The following RPTOR variants were observed in gnomAD, a reference collection of about 807,000 sequenced individuals.
RPTOR encodes regulatory-associated protein of mTOR.
A neutral mutation model predicts 169.9 loss-of-function variants in RPTOR; 21 were observed. That is an observed-to-expected ratio of 0.12 (90% CI 0.09 to 0.18). RPTOR has a LOEUF of 0.18. RPTOR is among the 10% of genes least tolerant of loss of function. RPTOR has a pLI of 1.00. For synonymous variants in RPTOR, 732 were observed against 753.2 expected (o/e 0.97, Z 0.46); for missense variants, 1,133 against 1,855.9 (o/e 0.61, Z 7.16).
At position 80,936,272 on chromosome 17, in the gene RPTOR, A is replaced by G. The variant is rs1261043156; in HGVS notation, c.2920-4224A>G. 6.6e-6 allele frequency among the ~76,000 whole-genome samples: 1 copy of G among 152,248 alleles called. No homozygotes were observed. The highest frequency in any genetic ancestry group is 1.5e-5 in the Non-Finnish European group (1 of 68,038). ...GGCTACTGCAACTACAAGATGCTAC[A>G]GACACCTTGGAAAAGGTTGTCAGTT... On this transcript the variant is annotated intron_variant, in intron 24 of 33. Coordinates refer to ENST00000306801, the MANE Select transcript of RPTOR (RefSeq NM_020761.3). This position sits in a 1 kb window ranked among gnomAD's most constrained non-coding sequence, Gnocchi z 4.1.
chr17:80,564,652 C>T (rs1242926224), intron 1 of RPTOR, among the ~76,000 whole-genome samples: 1 of 148,468 alleles, frequency 6.7e-6, no homozygotes, highest in Non-Finnish European at 1.5e-5. Flanking sequence ...TATAGGTGAA[C>T]TCATGTCACA....
At chr17:80,756,353 G>A (rs1254688750) in intron 6 of RPTOR, among the ~76,000 whole-genome samples, 1 of 152,244 alleles carries the variant, frequency 6.6e-6, no homozygotes, top group Admixed American at 6.5e-5. Context: ...TCTTTACTTA[G>A]ATGAAGAGAA....
At chr17:80,880,337 C>T (rs1431787231) in intron 13 of RPTOR, 78 bp from the exon 14 acceptor site, 4 of 1,206,744 alleles carry the variant, frequency 3.3e-6, no homozygotes, top group Non-Finnish European at 4.9e-6. Flanking sequence ...TGCCCTTATT[C>T]GTTCACGCAC....
At chr17:80,787,747 G>A (rs1194244938) in intron 6 of RPTOR, among the ~76,000 whole-genome samples, 2 of 152,062 alleles carry the variant, frequency 1.3e-5, no homozygotes, top group East Asian at 1.9e-4. Context: ...CTGGATTTGC[G>A]TTTCTCTCAT....
chr17:80,758,231 G>T (rs2066700516), intron 6 of RPTOR, among the ~76,000 whole-genome samples: 1 of 152,234 alleles, frequency 6.6e-6, no homozygotes, highest in South Asian at 2.1e-4. Context: ...TGACCTTATG[G>T]CACCAAGGGC....
intron 2 of RPTOR, among the ~76,000 whole-genome samples, chr17:80,626,811 T>TTAC (rs1057007257): frequency 4.1e-5 from 6 of 144,678 alleles, no homozygotes; most frequent in African/African-American, 1.5e-4. Flanking sequence ...ATTATTATTA[T>TTAC]TTTTCATTCT....
intron 17 of RPTOR, among the ~76,000 whole-genome samples, chr17:80,888,079 C>T (rs962814058): frequency 2.4e-4 from 37 of 152,168 alleles, no homozygotes; most frequent in African/African-American, 8.0e-4. Context: ...GTCATGGCCT[C>T]GGGAGGAAAT....
At chr17:80,584,930 C>T (rs2065046383) in intron 1 of RPTOR, among the ~76,000 whole-genome samples, 1 of 152,094 alleles carries the variant, frequency 6.6e-6, no homozygotes, top group African/African-American at 2.4e-5. Flanking sequence ...TAAGATAAGC[C>T]ACATATTATT....
intron 1 of RPTOR, among the ~76,000 whole-genome samples, chr17:80,595,471 C>G (rs575080821): frequency 2.8e-4 from 42 of 152,282 alleles, no homozygotes; most frequent in East Asian, 7.7e-4. Flanking sequence ...TTTTCCCCCC[C>G]CTTAGATGGG....
chr17:80,813,505 A>G (rs1168073711), intron 7 of RPTOR, among the ~76,000 whole-genome samples: 3 of 152,202 alleles, frequency 2.0e-5, no homozygotes, highest in African/African-American at 7.2e-5. Context: ...ACGCTTTTGC[A>G]CCTGCTCAGA....
chr17:80,565,439 G>A (rs1318066686), intron 1 of RPTOR, among the ~76,000 whole-genome samples: 1 of 152,232 alleles, frequency 6.6e-6, no homozygotes, highest in African/African-American at 2.4e-5. Context: ...AGGTGGGCTG[G>A]TGACTGAAGG....
intron 1 of RPTOR, among the ~76,000 whole-genome samples, chr17:80,550,524 C>A (rs1160499557): frequency 1.3e-5 from 2 of 152,164 alleles, no homozygotes; most frequent in Admixed American, 6.5e-5. Context: ...GATGCTTAAA[C>A]CCCCAATCTT....
chr17:80,868,467 T>C (rs2068016974), intron 13 of RPTOR, among the ~76,000 whole-genome samples: 1 of 152,180 alleles, frequency 6.6e-6, no homozygotes. Flanking sequence ...CCTAAGAAGC[T>C]GCTGTTATCA....
At position 80,957,128 on chromosome 17, in the gene RPTOR, G is replaced by C. The variant is rs1320632721; in HGVS notation, c.3371-496G>C. On this transcript the variant is annotated intron_variant, in intron 28 of 33. Transcript: ENST00000306801. This position sits in a 1 kb window ranked among gnomAD's most constrained non-coding sequence, Gnocchi z 4.6. ...CAGCTTAGAACTGTCACCCCGGCCT[G>C]GACTTGGGAGTTCCAGCTTAGAATT... 2.8e-5 allele frequency among the ~76,000 whole-genome samples: 4 copies of C among 141,064 alleles called. No homozygotes were observed. The highest frequency in any genetic ancestry group is 4.6e-5 in the Non-Finnish European group (3 of 65,006). 92.5% of individuals were successfully genotyped at this position (141,064 alleles called of 152,430 possible).
At chr17:80,680,474 A>T (rs2065890305) in intron 3 of RPTOR, among the ~76,000 whole-genome samples, 1 of 152,162 alleles carries the variant, frequency 6.6e-6, no homozygotes, top group Non-Finnish European at 1.5e-5. Context: ...TCTTTACTAA[A>T]AATACAAAAT....
intron 3 of RPTOR, among the ~76,000 whole-genome samples, chr17:80,681,989 T>C (rs2065902409): frequency 6.6e-6 from 1 of 152,136 alleles, no homozygotes; most frequent in Admixed American, 6.5e-5. Context: ...TGTGATATAA[T>C]CTTATCAGTT....
rs147116187 is a variant in RPTOR at position 80,965,626 on chromosome 17, T to G, written c.*1296T>G. On this transcript the variant is annotated 3_prime_UTR_variant, in exon 34 of 34. Coordinates refer to ENST00000306801, the MANE Select transcript of RPTOR (RefSeq NM_020761.3). ...GGTGAGAGGCCCACGACCACGGGAG[T>G]GAGAGCTGGTGTGGCGAGGCCCGGC... 3.6e-3 allele frequency: 828 copies of G among 233,090 alleles called. 9 individuals carry two copies. Among genetic ancestry groups the G allele is most frequent in the African/African-American group, 0.016 (734 of 45,388 alleles). The allele number at this position is 233,090 out of a possible 1,614,324, so 14.4% of individuals were successfully genotyped here.
chr17:80,815,792 G>A (rs952094641), intron 7 of RPTOR, among the ~76,000 whole-genome samples: 11 of 152,218 alleles, frequency 7.2e-5, no homozygotes, highest in Admixed American at 3.9e-4. Flanking sequence ...TGGACAGTCC[G>A]TCACGTGCAG....
chr17:80,566,823 C>CAAA (rs56295360), intron 1 of RPTOR, among the ~76,000 whole-genome samples: 22 of 83,982 alleles, frequency 2.6e-4, no homozygotes, highest in African/African-American at 1.1e-3. Context: ...GACTCCGTCT[C>CAAA]AAAAAAAAAA....
Sources: allele counts gnomAD v4.1 joint callset (sites outside exome capture counted in the v4.1 genomes callset), GRCh38; gene constraint gnomAD v4.1.1; non-coding constraint Gnocchi (gnomAD v3.1); transcripts MANE v1.5; gene names NCBI Gene and HGNC (gene_info 2026-07-23, HGNC 2026-07-21).